The following GNG2 variants were observed in gnomAD, a reference collection of about 807,000 sequenced individuals.
The protein encoded by GNG2 is guanine nucleotide-binding protein G(I)/G(S)/G(O) subunit gamma-2.
A neutral mutation model predicts 5.5 loss-of-function variants in GNG2; 5 were observed. That is an observed-to-expected ratio of 0.91 (90% CI 0.48 to 1.92). GNG2 has a LOEUF of 1.92. Among genes scored for constraint, GNG2 ranks in the 30% most tolerant of loss-of-function variants. The pLI, the probability that GNG2 is intolerant of heterozygous loss-of-function variation, is 0.01. For synonymous variants in GNG2, 28 were observed against 32.0 expected, an observed-to-expected ratio of 0.88 and a Z score of 0.42; for missense variants, 55 against 88.4, an observed-to-expected ratio of 0.62 and a Z score of 1.52.
At chr14:51,840,322 A>T (rs954224494) in intron 2 of GNG2, among the ~76,000 whole-genome samples, 4 of 152,182 alleles carry the variant, frequency 2.6e-5, no homozygotes, top group African/African-American at 9.7e-5. Context: ...TCTTTCTGTC[A>T]ATCATGTCCC....
At chr14:51,884,888 G>A (rs983365551) in intron 2 of GNG2, among the ~76,000 whole-genome samples, 2 of 152,142 alleles carry the variant, frequency 1.3e-5, no homozygotes, top group African/African-American at 4.8e-5. Flanking sequence ...CCATCAGCAG[G>A]GGCCAGTAGG....
chr14:51,844,273 C>T (rs13379446), intron 2 of GNG2, among the ~76,000 whole-genome samples: 30,959 of 152,132 alleles, frequency 0.2, 3,225 homozygotes, highest in Non-Finnish European at 0.22. Flanking sequence ...ACTCATAAGT[C>T]GTCACTTGTG....
At chr14:51,867,862 T>C (rs923935510) in intron 1 of GNG2, among the ~76,000 whole-genome samples, 8 of 152,216 alleles carry the variant, frequency 5.3e-5, no homozygotes, top group African/African-American at 1.9e-4. Flanking sequence ...CATCACAGCA[T>C]CTAGCTCATT....
At chr14:51,837,814 A>G (rs1252498483) in intron 2 of GNG2, among the ~76,000 whole-genome samples, 1 of 152,184 alleles carries the variant, frequency 6.6e-6, no homozygotes, top group Admixed American at 6.5e-5. Context: ...ATTTAGATAC[A>G]AAATTGGTTC....
At chr14:51,916,715 C>G (rs1481842607) in intron 2 of GNG2, among the ~76,000 whole-genome samples, 2 of 152,000 alleles carry the variant, frequency 1.3e-5, no homozygotes, top group Admixed American at 1.3e-4. Context: ...GTGTAGGTAT[C>G]CAGGGGTGCA....
chr14:51,937,439 T>G (rs1194597058), intron 2 of GNG2, among the ~76,000 whole-genome samples: 2 of 152,150 alleles, frequency 1.3e-5, no homozygotes, highest in Non-Finnish European at 2.9e-5. Context: ...TTTCCTTCCC[T>G]GCATGATATC....
chr14:51,886,810 T>C (rs1344696500), intron 2 of GNG2, among the ~76,000 whole-genome samples: 1 of 152,114 alleles, frequency 6.6e-6, no homozygotes, highest in Non-Finnish European at 1.5e-5. Context: ...CAAACCCAAC[T>C]GGGAGGCAAA....
chr14:51,879,737 C>T (rs1883917889), intron 2 of GNG2, among the ~76,000 whole-genome samples: 1 of 152,182 alleles, frequency 6.6e-6, no homozygotes, highest in African/African-American at 2.4e-5. Flanking sequence ...GAAAGGTTCT[C>T]TGATTTTTTA....
intron 2 of GNG2, among the ~76,000 whole-genome samples, chr14:51,836,627 G>A (rs957396249): frequency 1.3e-5 from 2 of 151,608 alleles, no homozygotes; most frequent in African/African-American, 4.9e-5. Flanking sequence ...CACTGGTTTT[G>A]CAAAACCTAA....
chr14:51,908,565 T>TCTATCC (rs770383098), intron 2 of GNG2, among the ~76,000 whole-genome samples: 3 of 125,200 alleles, frequency 2.4e-5, no homozygotes, highest in Non-Finnish European at 5.6e-5. Context: ...TATCTATCCA[T>TCTATCC]ATATATAGAG....
intron 2 of GNG2, among the ~76,000 whole-genome samples, chr14:51,928,058 TCTCGCTCCGTCATCCAGG>T (rs1209851196): frequency 7.0e-6 from 1 of 142,702 alleles, no homozygotes; most frequent in African/African-American, 2.7e-5. Context: ...GGAGACTGAG[TCTCGCTCCGTCATCCAGG>T]CTCGACTGCA....
At chr14:51,841,323 T>C (rs985060114) in intron 2 of GNG2, among the ~76,000 whole-genome samples, 2 of 152,202 alleles carry the variant, frequency 1.3e-5, no homozygotes, top group African/African-American at 2.4e-5. Context: ...TCCAGGAATC[T>C]AGACTTTAAA....
At chr14:51,845,052 C>G (rs1298034642) in intron 2 of GNG2, among the ~76,000 whole-genome samples, 1 of 152,208 alleles carries the variant, frequency 6.6e-6, no homozygotes, top group Non-Finnish European at 1.5e-5. Flanking sequence ...ATTGAAACAA[C>G]TTGGTGCTCT....
intron 1 of GNG2, among the ~76,000 whole-genome samples, chr14:51,876,349 T>A (rs1370333147): frequency 6.6e-6 from 1 of 152,226 alleles, no homozygotes; most frequent in African/African-American, 2.4e-5. Context: ...CCTTGATAAT[T>A]CTTCTTTGTC....
At chr14:51,941,958 A>G (rs545976140) in intron 2 of GNG2, among the ~76,000 whole-genome samples, 5 of 152,292 alleles carry the variant, frequency 3.3e-5, no homozygotes, top group Admixed American at 6.5e-5. Context: ...AATTCTATCA[A>G]TCTCTTATAC....
intron 2 of GNG2, among the ~76,000 whole-genome samples, chr14:51,944,397 C>G (rs1428529564): frequency 1.3e-5 from 2 of 152,158 alleles, no homozygotes; most frequent in South Asian, 2.1e-4. Flanking sequence ...AATCATTTCT[C>G]TTTTTATAAG....
At chr14:51,915,364 C>G (rs1886556159) in intron 2 of GNG2, among the ~76,000 whole-genome samples, 1 of 152,208 alleles carries the variant, frequency 6.6e-6, no homozygotes, top group African/African-American at 2.4e-5. Context: ...ATAATTATGA[C>G]TAACTTATAA....
intron 2 of GNG2, among the ~76,000 whole-genome samples, chr14:51,917,715 A>G (rs925776386): frequency 6.6e-6 from 1 of 152,172 alleles, no homozygotes; most frequent in Non-Finnish European, 1.5e-5. Flanking sequence ...TTTCTTATTA[A>G]GCATCAGAAA....
rs150711362 is a variant in GNG2, at chr14:51,871,144, T to C, written c.-70-6473T>C. On this transcript the variant is annotated intron_variant, in intron 1 of 3. Coordinates refer to ENST00000556766, the MANE Select transcript of GNG2 (RefSeq NM_053064.5). ...AAAGGCTTTATTTGGGAGAATTAAA[T>C]TGGTCCTTTGCCGTTTTTTTAAACC... is the stretch of plus-strand genomic sequence containing the variant. Among the ~76,000 whole-genome samples, 306 of 152,316 alleles carry C rather than the reference T, an allele frequency of 2.0e-3. 1 individual carries two copies. Among genetic ancestry groups the C allele is most frequent in the Non-Finnish European group, 3.5e-3 (236 of 68,012 alleles).
Sources: gnomAD v4.1 joint callset for allele counts (sites outside exome capture counted in the v4.1 genomes callset) on GRCh38, gnomAD v4.1.1 for gene constraint, MANE v1.5 for transcripts, NCBI Gene and HGNC (gene_info 2026-07-23, HGNC 2026-07-21) for gene names.